The following PLEKHH2 variants were observed in gnomAD, a reference collection of about 807,000 sequenced individuals.
PLEKHH2 encodes pleckstrin homology domain-containing family H member 2.
PLEKHH2 carries 129 observed loss-of-function variants against 187.9 expected under a neutral mutation model. The observed-to-expected ratio is 0.69, with a 90% CI of 0.59 to 0.79. The LOEUF (loss-of-function observed/expected upper bound fraction) is 0.79, where lower values mean the gene tolerates loss of function less well. Ranked by LOEUF, PLEKHH2 falls within the 30% of genes least tolerant of loss-of-function variation. The pLI is 0.00. For synonymous variants in PLEKHH2, 686 were observed against 605.6 expected (o/e 1.13, Z -1.95); for missense variants, 2,076 against 1,751.2 (o/e 1.19, Z -3.31).
Position 43,746,721 on chromosome 2 carries a change from G to T in PLEKHH2, c.3653+758G>T, listed in dbSNP as rs190104210. Among the ~76,000 whole-genome samples the T allele has an allele frequency of 2.3e-4, 35 of 152,150 alleles. No individual in the cohort carries two copies. The East Asian group carries it at 5.6e-3, about 24-fold the overall frequency. On this transcript the variant is annotated intron_variant, in intron 24 of 29. Transcript: ENST00000282406. ...ATCTGTAGTAAGAAGAGATACCTAT[G>T]TTTCTTTGGGAGGCCGAGGCAGGTG...
chr2:43,745,795 C>T, intron 23 of PLEKHH2, 71 bp from the exon 24 acceptor site: 2 of 1,158,136 alleles, frequency 1.7e-6, no homozygotes, highest in South Asian at 1.5e-5. Context: ...TTTCAGTCTG[C>T]AGCACACTTG....
chr2:43,738,260 T>C, intron 19 of PLEKHH2, 81 bp from the exon 20 acceptor site: 5 of 1,204,344 alleles, frequency 4.2e-6, no homozygotes, highest in South Asian at 1.9e-5. Context: ...AAACTACTGC[T>C]GAAAAGATAT....
chr2:43,723,364 C>G (rs1670576001), intron 16 of PLEKHH2, among the ~76,000 whole-genome samples: 1 of 151,948 alleles, frequency 6.6e-6, no homozygotes, highest in African/African-American at 2.4e-5. Context: ...ATGAAGACTC[C>G]AAGACATAAA....
In PLEKHH2 at chr2:43,766,661, T is replaced by C; in HGVS notation, c.*1063T>C. The C allele has an allele frequency of 6.6e-6, 1 of 152,508 alleles. No homozygotes were observed. Among genetic ancestry groups the C allele is most frequent in the Non-Finnish European group, 1.5e-5 (1 of 68,228 alleles). 9.4% of individuals were successfully genotyped at this position (152,508 alleles called of 1,614,324 possible). The stretch of plus-strand genomic sequence containing the variant: ...GGTTGCCCAGGCTGGAGTGCAGTGG[T>C]GCCATCATAGCTCACTGTAGCCTCG... On this transcript the variant is annotated 3_prime_UTR_variant, in exon 30 of 30. Coordinates refer to ENST00000282406, the MANE Select transcript of PLEKHH2 (RefSeq NM_172069.4).
Position 43,637,275 on chromosome 2 carries a change from G to A in PLEKHH2, c.-108G>A, listed in dbSNP as rs906090065. 1 of 152,326 alleles carries A rather than the reference G, an allele frequency of 6.6e-6. No individual in the cohort carries two copies. Among genetic ancestry groups the A allele is most frequent in the Non-Finnish European group, 1.5e-5 (1 of 68,108 alleles). 9.4% of individuals were successfully genotyped at this position (152,326 alleles called of 1,614,324 possible). A position where few individuals can be genotyped will look rare whatever the true frequency, so the allele number is the denominator to read the frequency against. On this transcript the variant is annotated 5_prime_UTR_variant, in exon 1 of 30. Transcript: ENST00000282406. Reference sequence around the variant, plus strand: ...CGGTGCCCTTCCCCGCCCTCTCCGAGCTCGGCTTGAGGCGGGCGCGGGCTG... The same window carrying A: ...CGGTGCCCTTCCCCGCCCTCTCCGAACTCGGCTTGAGGCGGGCGCGGGCTG...
At chr2:43,655,849 C>T (rs1666730994) in intron 2 of PLEKHH2, among the ~76,000 whole-genome samples, 1 of 151,912 alleles carries the variant, frequency 6.6e-6, no homozygotes, top group Admixed American at 6.6e-5. Context: ...GATGCATTTT[C>T]ATGAAAAGAA....
intron 15 of PLEKHH2, among the ~76,000 whole-genome samples, chr2:43,716,341 T>G (rs550096711): frequency 6.6e-6 from 1 of 152,298 alleles, no homozygotes; most frequent in African/African-American, 2.4e-5. Context: ...ATCTTAAGTT[T>G]GTAGGACATT....
At position 43,758,914 on chromosome 2, in the gene PLEKHH2, G is replaced by A. The variant is rs1009638535; in HGVS notation, c.3956G>A (p.Arg1319Gln). The A allele has an allele frequency of 3.4e-5, 53 of 1,574,320 alleles. No individual in the cohort carries two copies. The highest frequency in any genetic ancestry group is 4.4e-5 in the Non-Finnish European group (51 of 1,159,196). ...TTTTTTTTTAGGCAGCTTTGCCAGC[G>A]ACTTTCAACCAGATGGATGGCCCTC... The part of the protein sequence containing the change: ...SEEQLRQLCQ[R>Q]LSTRWMALRG... The change falls in exon 27 of 30, where the codon CGA becomes CAA. Residue 1319 changes from arginine to glutamine, a missense_variant. Arg to Gln is a conservative substitution (Grantham distance 43, BLOSUM62 1). Coordinates refer to ENST00000282406, the MANE Select transcript of PLEKHH2 (RefSeq NM_172069.4).
At chr2:43,722,527 C>T (rs1670530136) in intron 16 of PLEKHH2, among the ~76,000 whole-genome samples, 1 of 152,146 alleles carries the variant, frequency 6.6e-6, no homozygotes, top group South Asian at 2.1e-4. Context: ...CTCTTCTACC[C>T]TCTCCTTCTA....
rs1298319830 is a variant in PLEKHH2 at position 43,700,414 on chromosome 2, G to A, written c.1456G>A (p.Glu486Lys). ...ISMIRPLRPQ[E>K]TDLDLVDGDS... is the part of the protein sequence containing the mutation. ...CATGATACGACCACTGAGACCTCAG[G>A]AAACTGATCTTGATCTAGTTGATGG... Residue 486 changes from glutamate to lysine, a missense_variant, in exon 8 of 30, where the codon GAA becomes AAA. Coordinates refer to ENST00000282406, the MANE Select transcript of PLEKHH2 (RefSeq NM_172069.4). 6.2e-7 allele frequency: 1 copy of A among 1,614,098 alleles called. No homozygotes were observed. The highest frequency in any genetic ancestry group is 1.7e-5 in the Admixed American group (1 of 60,028).
intron 1 of PLEKHH2, among the ~76,000 whole-genome samples, chr2:43,643,616 G>A (rs2104323483): frequency 1.3e-5 from 2 of 152,146 alleles, no homozygotes; most frequent in African/African-American, 4.8e-5. Context: ...GAATAGAATA[G>A]TATACTTCAA....
chr2:43,721,437 A>G (rs1466677784), intron 16 of PLEKHH2, among the ~76,000 whole-genome samples: 1 of 152,124 alleles, frequency 6.6e-6, no homozygotes, highest in Admixed American at 6.6e-5. Context: ...AATGAGACTA[A>G]ACTTCTTGGT....
At position 43,707,390 on chromosome 2, in the gene PLEKHH2, C is replaced by A. The variant is rs755109866; in HGVS notation, c.1822-11C>A. 6.2e-7 allele frequency: 1 copy of A among 1,613,688 alleles called. No homozygotes were observed. Among genetic ancestry groups the A allele is most frequent in the Non-Finnish European group, 8.5e-7 (1 of 1,179,888 alleles). ...GGATGGATACAGGGAGGTTGTTCCA[C>A]TTTTCTTTAGAAGGCGACCCAAATA... On this transcript the variant is annotated splice_polypyrimidine_tract_variant and intron_variant, in intron 10 of 29. Transcript: ENST00000282406.
intron 3 of PLEKHH2, among the ~76,000 whole-genome samples, chr2:43,684,395 A>G (rs1346899024): frequency 6.6e-6 from 1 of 152,162 alleles, no homozygotes; most frequent in African/African-American, 2.4e-5. Context: ...TTATGGGAAA[A>G]AGAGAAAAAA....
chr2:43,646,896 T>C (rs1355028910), intron 2 of PLEKHH2, among the ~76,000 whole-genome samples: 1 of 151,882 alleles, frequency 6.6e-6, no homozygotes, highest in African/African-American at 2.4e-5. Context: ...ATTATTCTGA[T>C]GTGTTTTACA....
At chr2:43,765,277 G>T (rs1672576993) in intron 29 of PLEKHH2, 136 bp from the exon 30 acceptor site, 2 of 748,732 alleles carry the variant, frequency 2.7e-6, no homozygotes, top group Non-Finnish European at 4.2e-6. Flanking sequence ...GCACTTCATT[G>T]TTTGATCTAG....
At chr2:43,733,253 C>A (rs1024148320) in intron 19 of PLEKHH2, among the ~76,000 whole-genome samples, 1 of 151,318 alleles carries the variant, frequency 6.6e-6, no homozygotes, top group African/African-American at 2.4e-5. Context: ...GTCCCAGCTA[C>A]TTGGGAGGCT....
chr2:43,754,014 G>C (rs906610882), intron 25 of PLEKHH2, among the ~76,000 whole-genome samples: 1 of 152,078 alleles, frequency 6.6e-6, no homozygotes, highest in Non-Finnish European at 1.5e-5. Flanking sequence ...TCTAGGCTTT[G>C]TATTTAATAA....
At chr2:43,738,630 AG>A (rs1442760336) in intron 20 of PLEKHH2, 110 bp downstream of exon 20, 38 of 1,013,538 alleles carry the variant, frequency 3.7e-5, no homozygotes, top group Non-Finnish European at 1.1e-5. Context: ...AAAGTGCAGA[AG>A]GAAAAATAGG....
Sources: gnomAD v4.1 joint callset for allele counts (sites outside exome capture counted in the v4.1 genomes callset) on GRCh38, gnomAD v4.1.1 for gene constraint, MANE v1.5 for transcripts, NCBI Gene and HGNC (gene_info 2026-07-23, HGNC 2026-07-21) for gene names.